Variants in CLCN5 observed in about 807,000 individuals in gnomAD.
The protein encoded by CLCN5 is H(+)/Cl(-) exchange transporter 5.
CLCN5 carries 17 observed loss-of-function variants against 54.0 expected under a neutral mutation model. The ratio of observed to expected loss-of-function variants is 0.31; its 90% CI spans 0.22 to 0.47. CLCN5 has a LOEUF of 0.47. CLCN5 is among the 20% of genes least tolerant of loss of function. The pLI is 1.00. For synonymous variants in CLCN5, 222 were observed against 233.0 expected (o/e 0.95, Z 0.43); for missense variants, 448 against 646.7 (o/e 0.69, Z 3.33).
chrX:49,997,314 G>A (rs1364533136), intron 3 of CLCN5, among the ~76,000 whole-genome samples: 6 of 110,857 alleles, frequency 5.4e-5, no homozygotes, highest in Non-Finnish European at 1.1e-4. Context: ...GGATTTTTCA[G>A]GAGTTATTTA....
At chrX:50,081,365 G>C (rs933623288) in intron 8 of CLCN5, among the ~76,000 whole-genome samples, 7 of 110,499 alleles carry the variant, frequency 6.3e-5, no homozygotes, top group Admixed American at 1.9e-4. Flanking sequence ...TCCCTCTCCA[G>C]CTCCTCCTTC....
intron 4 of CLCN5, among the ~76,000 whole-genome samples, chrX:50,057,373 T>C (rs1160405004): frequency 1.0e-5 from 1 of 96,545 alleles, no homozygotes; most frequent in Non-Finnish European, 2.1e-5. Context: ...AAGCATAATG[T>C]GGTCCTGGAT....
At chrX:50,059,964 T>A (rs1932824351) in intron 4 of CLCN5, among the ~76,000 whole-genome samples, 1 of 103,864 alleles carries the variant, frequency 9.6e-6, no homozygotes, top group Non-Finnish European at 2.0e-5. Context: ...ATCTTATAGA[T>A]AATGTAAATC....
chrX:50,090,904 A>G lies in CLCN5; in HGVS notation c.2360+18A>G, dbSNP rs782377527. ...CACAACGGGTAAGAAGTCTTGAGTG[A>G]AGTCAAATTGAATTGTGGGAGAAAG... On this transcript the variant is annotated intron_variant, in intron 14 of 14. Transcript: ENST00000376091. 8.7e-7 allele frequency: 1 copy of G among 1,151,799 alleles called. No homozygotes were observed. The highest frequency in any genetic ancestry group is 3.0e-5 in the East Asian group (1 of 33,595). The allele number at this position is 1,151,799 out of a possible 1,213,427, so 94.9% of individuals were successfully genotyped here. A position where few individuals can be genotyped will look rare whatever the true frequency, so the allele number is the denominator to read the frequency against.
chrX:49,972,502 T>C (rs1330439250), intron 3 of CLCN5, among the ~76,000 whole-genome samples: 1 of 111,953 alleles, frequency 8.9e-6, no homozygotes, highest in Admixed American at 9.5e-5. Flanking sequence ...GACAAAATGC[T>C]TTCGCTGTAT....
chrX:50,080,496 T>C, intron 7 of CLCN5, 98 bp from the exon 8 acceptor site: 1 of 762,510 alleles, frequency 1.3e-6, no homozygotes, highest in Non-Finnish European at 1.9e-6. Flanking sequence ...TTTTTTTTTT[T>C]TTGGACTTTT....
chrX:49,970,032 T>C lies in CLCN5; in HGVS notation c.16+44718T>C, dbSNP rs952363492. ...TTATTCATGGTAACAGTCTTTGGTCTAAAATCTTCTTTCTCTGATGTTATA... is the reference window on the plus strand; with the variant it reads ...TTATTCATGGTAACAGTCTTTGGTCCAAAATCTTCTTTCTCTGATGTTATA... On this transcript the variant is annotated intron_variant, in intron 3 of 14. Coordinates refer to ENST00000376091, the MANE Select transcript of CLCN5 (RefSeq NM_001127898.4). Among the ~76,000 whole-genome samples the C allele has an allele frequency of 4.5e-5, 5 of 111,740 alleles. No homozygotes were observed. The East Asian group carries it at 8.3e-4, about 19-fold the overall frequency.
At chrX:50,067,801 C>G (rs1298958337) in intron 4 of CLCN5, 4 of 647,862 alleles carry the variant, frequency 6.2e-6, no homozygotes, top group Non-Finnish European at 7.4e-6. Flanking sequence ...AAGCATGCCC[C>G]CCGGGAGCAG....
At chrX:50,040,193 A>G (rs1461899122) in intron 3 of CLCN5, among the ~76,000 whole-genome samples, 1 of 111,689 alleles carries the variant, frequency 9.0e-6, no homozygotes, top group Non-Finnish European at 1.9e-5. Context: ...TCTCCGGAGA[A>G]AGGGATTGAA....
rs782537339 is a variant in CLCN5, at chrX:50,090,269, G to A, written c.1898G>A (p.Arg633His). The change falls in exon 13 of 15, where the codon CGT (arginine) becomes CAT (histidine). Residue 633 changes from arginine (R) to histidine (H), a missense_variant. Physicochemically the swap from Arg to His is conservative, Grantham distance 29 (BLOSUM62 0). Around this residue, in one of 5 missense-constraint regions of CLCN5, gnomAD observed 297 missense variants for 470.4 expected, o/e 0.63. Coordinates refer to ENST00000376091, the MANE Select transcript of CLCN5 (RefSeq NM_001127898.4). ...GREGIYDAHI[R>H]LNGYPFLEAK... ...GAGGGCATCTATGATGCCCACATCC[G>A]TCTCAATGGATACCCCTTTCTTGAA... is the stretch of plus-strand genomic sequence containing the variant. 15 of 1,211,650 alleles carry A rather than the reference G, an allele frequency of 1.2e-5. No individual in the cohort carries two copies. Among genetic ancestry groups the A allele is most frequent in the East Asian group, 1.2e-4 (4 of 33,833 alleles).
chrX:50,001,639 C>T (rs1929824303), intron 3 of CLCN5, among the ~76,000 whole-genome samples: 1 of 86,958 alleles, frequency 1.1e-5, no homozygotes, highest in Non-Finnish European at 2.2e-5. Flanking sequence ...TGACAGGCCC[C>T]GATGTGTGAT....
In CLCN5 at chrX:49,922,730, C is replaced by T. The variant is rs1925120089; in HGVS notation, c.-267C>T. The T allele has an allele frequency of 8.8e-6, 1 of 113,147 alleles. No individual in the cohort carries two copies. The highest frequency in any genetic ancestry group is 1.9e-5 in the Non-Finnish European group (1 of 53,348). 9.3% of individuals were successfully genotyped at this position (113,147 alleles called of 1,213,427 possible). On this transcript the variant is annotated 5_prime_UTR_variant, in exon 1 of 15. Transcript: ENST00000376091. ...AACTTGGTGTCCTGGACGCCAGAGC[C>T]GACCGAGCGCGCTGCCCACCGGCGG...
intron 3 of CLCN5, among the ~76,000 whole-genome samples, chrX:50,002,621 G>A (rs113405602): frequency 6.4e-5 from 7 of 109,595 alleles, no homozygotes; most frequent in East Asian, 5.7e-4. Flanking sequence ...GTTCTCTTGC[G>A]TCTGTCTGTC....
At chrX:50,005,040 A>T (rs1414682295) in intron 3 of CLCN5, among the ~76,000 whole-genome samples, 1 of 112,402 alleles carries the variant, frequency 8.9e-6, no homozygotes, top group Non-Finnish European at 1.9e-5. Context: ...GTTGATATGT[A>T]TCTTAAGTCC....
intron 3 of CLCN5, among the ~76,000 whole-genome samples, chrX:50,014,419 T>G (rs1930676263): frequency 8.9e-6 from 1 of 112,233 alleles, no homozygotes; most frequent in African/African-American, 3.2e-5. Flanking sequence ...GACTTGACTT[T>G]TTGTCACCTA....
At chrX:50,044,609 G>C (rs1393872489) in intron 4 of CLCN5, among the ~76,000 whole-genome samples, 5 of 111,113 alleles carry the variant, frequency 4.5e-5, no homozygotes, top group Non-Finnish European at 9.4e-5. Flanking sequence ...GTTTGGGATA[G>C]GCGGTGGAGT....
chrX:49,992,133 C>T (rs1557179048), intron 3 of CLCN5, among the ~76,000 whole-genome samples: 1 of 109,108 alleles, frequency 9.2e-6, no homozygotes, highest in African/African-American at 3.3e-5. Flanking sequence ...CTGGCTACAT[C>T]TTCTTGAGTT....
In CLCN5 at chrX:50,086,061, G is replaced by T; in HGVS notation, c.1014+1G>T. The T allele has an allele frequency of 8.5e-7, 1 of 1,178,938 alleles. No individual in the cohort carries two copies. Among genetic ancestry groups the T allele is most frequent in the Non-Finnish European group, 1.2e-6 (1 of 865,617 alleles). The stretch of plus-strand genomic sequence containing the variant: ...TGGAGTATTATTCAGCCTTGAAGAG[G>T]TAACAACTTTTCATTGTACAGCATG... On this transcript the variant is annotated splice_donor_variant, in intron 10 of 14. Coordinates refer to ENST00000376091, the MANE Select transcript of CLCN5 (RefSeq NM_001127898.4). LOFTEE classifies it high-confidence loss of function.
intron 7 of CLCN5, 123 bp downstream of exon 7, chrX:50,076,105 C>T: frequency 3.2e-6 from 2 of 630,687 alleles, no homozygotes; most frequent in South Asian, 4.8e-5. Context: ...AAAGGGGAAC[C>T]AGTACCAGCT....
Sources: allele counts gnomAD v4.1 joint callset (sites outside exome capture counted in the v4.1 genomes callset), GRCh38; gene constraint gnomAD v4.1.1; regional missense constraint gnomAD v4.1.1; transcripts MANE v1.5; gene names NCBI Gene and HGNC (gene_info 2026-07-23, HGNC 2026-07-21).